HS3ST4: variants seen among roughly 807,000 people sequenced by gnomAD.
The protein encoded by HS3ST4 is heparan sulfate-glucosamine 3-sulfotransferase 4.
Under a neutral mutation model 29.2 loss-of-function variants are expected in HS3ST4, and 17 were observed. The observed-to-expected ratio is 0.58, with a 90% confidence interval of 0.40 to 0.87. The LOEUF is 0.87. Among genes scored for constraint, HS3ST4 ranks in the 40% least tolerant of loss-of-function variants. HS3ST4 has a pLI of 0.00. For missense variants in HS3ST4, 627 were observed against 634.5 expected, an observed-to-expected ratio of 0.99 and a Z score of 0.13; for synonymous variants, 314 against 285.7, an observed-to-expected ratio of 1.10 and a Z score of -1.00.
At chr16:25,929,679 G>T (rs188987474) in intron 1 of HS3ST4, among the ~76,000 whole-genome samples, 4 of 152,184 alleles carry the variant, frequency 2.6e-5, no homozygotes, top group African/African-American at 4.8e-5. Flanking sequence ...CAAGGGCTTC[G>T]CACAGGTGAC....
At chr16:26,073,730 A>G (rs1488175486) in intron 1 of HS3ST4, among the ~76,000 whole-genome samples, 1 of 152,158 alleles carries the variant, frequency 6.6e-6, no homozygotes, top group Non-Finnish European at 1.5e-5. Flanking sequence ...GTATCATTAC[A>G]TTTGTTTGCT....
At chr16:25,959,226 G>C (rs548604845) in intron 1 of HS3ST4, among the ~76,000 whole-genome samples, 2 of 152,324 alleles carry the variant, frequency 1.3e-5, no homozygotes, top group African/African-American at 4.8e-5. Context: ...TTCCTCTTGA[G>C]GGGAGGAGGG....
At chr16:25,709,852 T>G (rs1242346277) in intron 1 of HS3ST4, among the ~76,000 whole-genome samples, 11 of 152,156 alleles carry the variant, frequency 7.2e-5, no homozygotes, top group African/African-American at 2.7e-4. Context: ...TTTTCATCCC[T>G]TCCTTAGCAA....
intron 1 of HS3ST4, among the ~76,000 whole-genome samples, chr16:26,000,885 T>A (rs1383415438): frequency 6.6e-6 from 1 of 152,138 alleles, no homozygotes; most frequent in South Asian, 2.1e-4. Context: ...AAACATCAGA[T>A]GAACCCCAGC....
intron 1 of HS3ST4, among the ~76,000 whole-genome samples, chr16:25,741,445 T>C (rs1254459947): frequency 2.0e-5 from 3 of 148,372 alleles, no homozygotes; most frequent in Non-Finnish European, 4.5e-5. Context: ...TACATAACTG[T>C]ACAAAGTACT....
chr16:26,003,969 T>C (rs1969234402), intron 1 of HS3ST4, among the ~76,000 whole-genome samples: 1 of 152,192 alleles, frequency 6.6e-6, no homozygotes, highest in South Asian at 2.1e-4. Flanking sequence ...TGTGAGCTCC[T>C]AATCCCAATT....
intron 1 of HS3ST4, among the ~76,000 whole-genome samples, chr16:25,828,242 C>CTTTTTCTCTT (rs1371928058): frequency 1.3e-5 from 1 of 75,016 alleles, no homozygotes; most frequent in Non-Finnish European, 2.5e-5. Flanking sequence ...TTCTTTCTTT[C>CTTTTTCTCTT]TCTTTCTTTC....
At chr16:26,008,821 G>A (rs994459369) in intron 1 of HS3ST4, among the ~76,000 whole-genome samples, 1 of 152,026 alleles carries the variant, frequency 6.6e-6, no homozygotes, top group Admixed American at 6.6e-5. Context: ...CATGTCTCTA[G>A]AAAAAAACAA....
chr16:25,839,798 T>C (rs1967394989), intron 1 of HS3ST4, among the ~76,000 whole-genome samples: 1 of 152,162 alleles, frequency 6.6e-6, no homozygotes, highest in Non-Finnish European at 1.5e-5. Context: ...TGGAAGAACA[T>C]CTAATTTTAT....
At chr16:25,965,659 A>C (rs1263048815) in intron 1 of HS3ST4, among the ~76,000 whole-genome samples, 1 of 152,196 alleles carries the variant, frequency 6.6e-6, no homozygotes, top group Non-Finnish European at 1.5e-5. Flanking sequence ...GTGTCTTCAC[A>C]CATCTTATGA....
At chr16:25,807,009 G>A (rs1362970997) in intron 1 of HS3ST4, among the ~76,000 whole-genome samples, 2 of 152,114 alleles carry the variant, frequency 1.3e-5, no homozygotes, top group African/African-American at 4.8e-5. Flanking sequence ...TTTCACTCTT[G>A]TTGCTCAGGC....
intron 1 of HS3ST4, among the ~76,000 whole-genome samples, chr16:25,745,994 C>A (rs982448035): frequency 3.3e-5 from 5 of 152,192 alleles, no homozygotes; most frequent in Non-Finnish European, 7.3e-5. Flanking sequence ...TTAAGTTATC[C>A]TCCAGATCTT....
chr16:26,086,435 C>T (rs1390738003), intron 1 of HS3ST4, among the ~76,000 whole-genome samples: 12 of 151,900 alleles, frequency 7.9e-5, no homozygotes, highest in South Asian at 2.1e-4. Flanking sequence ...CTGCAAGCTC[C>T]GCCTCCCAAG....
chr16:25,770,428 C>T (rs1461152200), intron 1 of HS3ST4, among the ~76,000 whole-genome samples: 1 of 152,182 alleles, frequency 6.6e-6, no homozygotes, highest in Non-Finnish European at 1.5e-5. Flanking sequence ...CTATTATCAC[C>T]TCTAGCTTAT....
intron 1 of HS3ST4, among the ~76,000 whole-genome samples, chr16:25,902,729 C>A (rs1267121522): frequency 4.6e-5 from 7 of 151,908 alleles, no homozygotes; most frequent in East Asian, 1.9e-4. Flanking sequence ...CACAAGAAAG[C>A]GGCAATGTGG....
chr16:25,794,169 A>G (rs1453279346), intron 1 of HS3ST4, among the ~76,000 whole-genome samples: 1 of 152,140 alleles, frequency 6.6e-6, no homozygotes, highest in Non-Finnish European at 1.5e-5. Context: ...AAATAACACT[A>G]GGAATGTAGG....
intron 1 of HS3ST4, among the ~76,000 whole-genome samples, chr16:25,811,274 A>G (rs1388749384): frequency 6.6e-6 from 1 of 151,870 alleles, no homozygotes; most frequent in East Asian, 1.9e-4. Flanking sequence ...AGCAAGACCA[A>G]CCCCTCCTCT....
rs551499999 is a variant in HS3ST4, at chr16:25,726,978, G to A, written c.734+33827G>A. Among the ~76,000 whole-genome samples the A allele has an allele frequency of 4.6e-5, 7 of 151,476 alleles. No individual in the cohort carries two copies. In the East Asian group the frequency reaches 1.2e-3, roughly 25 times the overall value. ...TGATTCTCAGAAGGGGTGTGGATTC[G>A]GCAACCCCACATGGCACAATTGTCA... On this transcript the variant is annotated intron_variant, in intron 1 of 1. Coordinates refer to ENST00000331351, the MANE Select transcript of HS3ST4 (RefSeq NM_006040.3).
intron 1 of HS3ST4, among the ~76,000 whole-genome samples, chr16:25,883,706 C>G (rs1967917719): frequency 1.3e-5 from 2 of 152,200 alleles, no homozygotes; most frequent in Admixed American, 1.3e-4. Context: ...TATCCATCAT[C>G]TAATTTTCAC....
Sources: gnomAD v4.1 joint callset for allele counts (sites outside exome capture counted in the v4.1 genomes callset) on GRCh38, gnomAD v4.1.1 for gene constraint, MANE v1.5 for transcripts, NCBI Gene and HGNC (gene_info 2026-07-23, HGNC 2026-07-21) for gene names.